The following FBXL13 variants were observed in gnomAD, a reference collection of about 807,000 sequenced individuals.
The protein encoded by FBXL13 is F-box and leucine rich repeat protein 13.
Under a neutral mutation model 83.6 loss-of-function variants are expected in FBXL13, and 67 were observed. That is an observed-to-expected ratio of 0.80 (90% CI 0.66 to 0.98). The LOEUF is 0.98. Among genes scored for constraint, FBXL13 ranks in the 50% least tolerant of loss-of-function variants. The pLI, the probability that FBXL13 is intolerant of heterozygous loss-of-function variation, is 0.00. For synonymous variants in FBXL13, 272 were observed against 299.5 expected, an observed-to-expected ratio of 0.91 and a Z score of 0.95; for missense variants, 822 against 866.5, an observed-to-expected ratio of 0.95 and a Z score of 0.64.
At chr7:102,819,285 T>G (rs2129445236) in intron 19 of FBXL13, among the ~76,000 whole-genome samples, 1 of 152,284 alleles carries the variant, frequency 6.6e-6, no homozygotes, top group African/African-American at 2.4e-5. Context: ...TAGTTGTTAC[T>G]TATTCCTCCT....
At chr7:102,888,068 C>T (rs947095549) in intron 11 of FBXL13, among the ~76,000 whole-genome samples, 1 of 152,254 alleles carries the variant, frequency 6.6e-6, no homozygotes, top group African/African-American at 2.4e-5. Flanking sequence ...TGGCCCACGA[C>T]TCTTTATAAC....
intron 16 of FBXL13, among the ~76,000 whole-genome samples, chr7:102,863,644 A>G (rs999140840): frequency 1.3e-5 from 2 of 152,174 alleles, no homozygotes; most frequent in African/African-American, 4.8e-5. Flanking sequence ...AACAAAAACA[A>G]AGATTCCAAA....
chr7:102,828,450 C>A (rs1402872871), intron 18 of FBXL13, among the ~76,000 whole-genome samples: 2 of 152,118 alleles, frequency 1.3e-5, no homozygotes, highest in African/African-American at 4.8e-5. Flanking sequence ...ACATGTTAGC[C>A]AGCTGCACTA....
At chr7:103,001,899 C>T (rs1790437379) in intron 6 of FBXL13, among the ~76,000 whole-genome samples, 1 of 152,108 alleles carries the variant, frequency 6.6e-6, no homozygotes, top group Non-Finnish European at 1.5e-5. Flanking sequence ...TTGCAGATAG[C>T]CTATTGTGGG....
At chr7:102,971,829 C>T (rs1480903438) in intron 6 of FBXL13, among the ~76,000 whole-genome samples, 1 of 151,968 alleles carries the variant, frequency 6.6e-6, no homozygotes, top group African/African-American at 2.4e-5. Flanking sequence ...AGTTCGAGAC[C>T]AGCCTGGCCA....
At chr7:103,028,617 T>G (rs1375332864) in exon 4 of FBXL13, 1 of 1,576,132 alleles carries the variant, frequency 6.3e-7, no homozygotes, top group Non-Finnish European at 8.6e-7. Context: ...TTTTTCTTTC[T>G]GGTCTTCCAT....
chr7:103,027,021 C>T (rs975513158), intron 5 of FBXL13, among the ~76,000 whole-genome samples: 1 of 152,074 alleles, frequency 6.6e-6, no homozygotes. Context: ...CGGCCAGACA[C>T]GGTGGCTCAC....
At chr7:102,990,707 A>G (rs757091282) in intron 6 of FBXL13, among the ~76,000 whole-genome samples, 2 of 152,188 alleles carry the variant, frequency 1.3e-5, no homozygotes, top group Non-Finnish European at 2.9e-5. Flanking sequence ...AAGAGATGAC[A>G]TCTGAGCTGA....
intron 11 of FBXL13, among the ~76,000 whole-genome samples, chr7:102,891,939 ACACAATGATC>A (rs1443029391): frequency 6.6e-6 from 1 of 152,198 alleles, no homozygotes; most frequent in African/African-American, 2.4e-5. Flanking sequence ...TTTTCTTACA[ACACAATGATC>A]CACAGAGCTA....
At chr7:102,824,077 C>T (rs1184655575) in intron 18 of FBXL13, among the ~76,000 whole-genome samples, 2 of 152,172 alleles carry the variant, frequency 1.3e-5, no homozygotes, top group Middle Eastern at 3.2e-3. Context: ...GAAAAGGAGC[C>T]TGACAGTTCC....
At chr7:102,880,459 CTA>C (rs1175209699) in intron 14 of FBXL13, among the ~76,000 whole-genome samples, 2 of 152,136 alleles carry the variant, frequency 1.3e-5, no homozygotes, top group African/African-American at 4.8e-5. Context: ...ATTTCAATAA[CTA>C]TATTACATCA....
intron 18 of FBXL13, among the ~76,000 whole-genome samples, chr7:102,826,326 T>C (rs1554400429): frequency 6.6e-6 from 1 of 152,200 alleles, no homozygotes; most frequent in Non-Finnish European, 1.5e-5. Context: ...AATGAAAATC[T>C]AATGCAGTAA....
At chr7:103,055,052 A>G (rs1385423153) in intron 2 of FBXL13, 36 bp downstream of exon 3, 1 of 1,155,300 alleles carries the variant, frequency 8.7e-7, no homozygotes, top group Non-Finnish European at 1.1e-6. Context: ...GAAGTTTAAA[A>G]TATATATTTG....
At chr7:102,982,166 G>A (rs938967414) in intron 6 of FBXL13, among the ~76,000 whole-genome samples, 7 of 152,174 alleles carry the variant, frequency 4.6e-5, no homozygotes, top group Non-Finnish European at 7.3e-5. Flanking sequence ...GGCATGAGGA[G>A]TTCATAGTGG....
intron 6 of FBXL13, among the ~76,000 whole-genome samples, chr7:103,002,683 T>G (rs529328848): frequency 6.6e-6 from 1 of 152,350 alleles, no homozygotes; most frequent in South Asian, 2.1e-4. Context: ...GAATGTAGTA[T>G]TCTCATTTAG....
chr7:102,916,306 C>T (rs1049267051), intron 10 of FBXL13, among the ~76,000 whole-genome samples: 13 of 152,038 alleles, frequency 8.6e-5, no homozygotes, highest in African/African-American at 3.1e-4. Context: ...TTTTTATATC[C>T]CCCATTAAAA....
chr7:102,843,723 C>G (rs1253134423), intron 17 of FBXL13, among the ~76,000 whole-genome samples: 1 of 152,124 alleles, frequency 6.6e-6, no homozygotes, highest in Non-Finnish European at 1.5e-5. Context: ...TTGCAATGAG[C>G]CAAGATCGCG....
chr7:102,930,721 C>T (rs886102891), intron 9 of FBXL13, among the ~76,000 whole-genome samples: 7 of 152,172 alleles, frequency 4.6e-5, no homozygotes, highest in South Asian at 2.1e-4. Context: ...GTCAGCATTC[C>T]GTAAGGCTCA....
chr7:103,049,274 G>A (rs1280904204), intron 2 of FBXL13, among the ~76,000 whole-genome samples: 3 of 152,172 alleles, frequency 2.0e-5, no homozygotes, highest in African/African-American at 7.2e-5. Context: ...AAAGGTCAAA[G>A]CAGTTTATGG....
Sources: gnomAD v4.1 joint callset for allele counts (sites outside exome capture counted in the v4.1 genomes callset) on GRCh38, gnomAD v4.1.1 for gene constraint, MANE v1.5 for transcripts, NCBI Gene and HGNC (gene_info 2026-07-23, HGNC 2026-07-21) for gene names.